The following PANK4 variants were observed in gnomAD, a reference collection of about 807,000 sequenced individuals.
PANK4 encodes the protein 4'-phosphopantetheine phosphatase.
Under a neutral mutation model 87.9 loss-of-function variants are expected in PANK4, and 40 were observed. The observed-to-expected ratio is 0.46, with a 90% CI of 0.35 to 0.59. PANK4 has a LOEUF of 0.59. Ranked by LOEUF, PANK4 falls within the 20% of genes least tolerant of loss-of-function variation. The pLI is 0.00. For synonymous variants in PANK4, 524 were observed against 467.4 expected (o/e 1.12, Z -1.56); for missense variants, 926 against 1,072.3 (o/e 0.86, Z 1.90).
Position 2,515,939 on chromosome 1 carries a change from G to C in PANK4, c.1219-222C>G. On this transcript the variant is annotated intron_variant, in intron 9 of 18. Coordinates refer to ENST00000378466, the MANE Select transcript of PANK4 (RefSeq NM_018216.4). The surrounding 1 kb of genome is among the most constrained non-coding windows in gnomAD (Gnocchi z 5.0). ...CTGGTTTGACACTGGGGTTGCGTCT[G>C]CTCCCACCACACGCCTCCTGCCCCC... The C allele has an allele frequency of 1.7e-6, 1 of 590,376 alleles. No individual in the cohort carries two copies. The highest frequency in any genetic ancestry group is 2.8e-5 in the East Asian group (1 of 35,438). 36.6% of individuals were successfully genotyped at this position (590,376 alleles called of 1,614,324 possible). A position where few individuals can be genotyped will look rare whatever the true frequency, so the allele number is the denominator to read the frequency against.
In PANK4 at chr1:2,518,176, C is replaced by T. The variant is rs562795560; in HGVS notation, c.1206G>A (p.Ala402=). ...ASPELGPAQR[A]RSGTFDLLEM... is the part of the protein sequence containing the mutation. The stretch of plus-strand genomic sequence containing the variant: ...GCCCACTACTCACAGTGCCACTCCG[C>T]GCCCGCTGCGCCGGGCCGAGCTCGG... The change falls in exon 9 of 19, where the codon GCG becomes GCA. Residue 402 remains alanine, a synonymous_variant. Transcript: ENST00000378466. 1.1e-5 allele frequency: 18 copies of T among 1,604,604 alleles called. No homozygotes were observed. Among genetic ancestry groups the T allele is most frequent in the East Asian group, 6.7e-5 (3 of 44,828 alleles).
intron 9 of PANK4, among the ~76,000 whole-genome samples, chr1:2,516,904 A>G (rs1213241913): frequency 1.3e-5 from 2 of 152,138 alleles, no homozygotes; most frequent in Non-Finnish European, 2.9e-5. Flanking sequence ...AAATGACTCC[A>G]TCTCTCTGCA....
rs1441920826 is a variant in PANK4 at position 2,519,984 on chromosome 1, G to A, written c.700-30C>T. 1 of 1,522,020 alleles carries A rather than the reference G, an allele frequency of 6.6e-7. No homozygotes were observed. The highest frequency in any genetic ancestry group is 2.4e-5 in the East Asian group (1 of 41,390). 94.3% of individuals were successfully genotyped at this position (1,522,020 alleles called of 1,614,324 possible). On this transcript the variant is annotated intron_variant, in intron 5 of 18. Coordinates refer to ENST00000378466, the MANE Select transcript of PANK4 (RefSeq NM_018216.4). This position sits in a 1 kb window ranked among gnomAD's most constrained non-coding sequence, Gnocchi z 8.3. Reference sequence around the variant, plus strand: ...AGGACACGGCGAGGGGGCGGGTGAGGCGCCAGGAGCTGCTGGAATCCCCAC... The same window carrying A: ...AGGACACGGCGAGGGGGCGGGTGAGACGCCAGGAGCTGCTGGAATCCCCAC...
At chr1:2,516,288 C>G (rs560751054) in intron 9 of PANK4, among the ~76,000 whole-genome samples, 1 of 152,246 alleles carries the variant, frequency 6.6e-6, no homozygotes, top group East Asian at 1.9e-4. Flanking sequence ...TGCCGGGCCT[C>G]CCAGCACGTT....
chr1:2,522,308 G>GGT (rs1643881830), intron 1 of PANK4, among the ~76,000 whole-genome samples: 1 of 152,204 alleles, frequency 6.6e-6, no homozygotes, highest in Non-Finnish European at 1.5e-5. Flanking sequence ...AGAGGCAAAC[G>GGT]GTGCCGCTGG....
At position 2,520,370 on chromosome 1, in the gene PANK4, A is replaced by G. The variant is rs762001077; in HGVS notation, c.651T>C (p.Ile217=). 28 of 1,612,788 alleles carry G rather than the reference A, an allele frequency of 1.7e-5. No individual in the cohort carries two copies. Among genetic ancestry groups the G allele is most frequent in the Admixed American group, 3.3e-5 (2 of 59,996 alleles). Residue 217 remains isoleucine (I), a synonymous_variant, in exon 5 of 19, where the codon ATT becomes ATC. Transcript: ENST00000378466. This position sits in a 1 kb window ranked among gnomAD's most constrained non-coding sequence, Gnocchi z 6.2. ...CAAGCCCCCAGAAGGTGCCGCCTCC[A>G]ATGGAGCTGCCGCCGACCCACTCGA... ...DRFEWVGGSS[I]GGGTFWGLGA...
chr1:2,519,055 G>A lies in PANK4; in HGVS notation c.1035+88C>T. On this transcript the variant is annotated intron_variant, in intron 7 of 18. Coordinates refer to ENST00000378466, the MANE Select transcript of PANK4 (RefSeq NM_018216.4). This position sits in a 1 kb window ranked among gnomAD's most constrained non-coding sequence, Gnocchi z 8.3. ...GCCCCCACCCTCCAGGCCTCCCTGG[G>A]GGTGCTGCGGTGTCTAACCAGCATG... The A allele has an allele frequency of 8.0e-7, 1 of 1,256,390 alleles. No homozygotes were observed. Among genetic ancestry groups the A allele is most frequent in the South Asian group, 1.4e-5 (1 of 72,738 alleles). The allele number at this position is 1,256,390 out of a possible 1,614,324, so 77.8% of individuals were successfully genotyped here.
intron 1 of PANK4, chr1:2,522,029 C>G (rs1054284225): frequency 1.8e-6 from 1 of 568,546 alleles, no homozygotes; most frequent in Admixed American, 3.0e-5. Context: ...GCTCCCTGGC[C>G]AAACTGAGCT....
intron 1 of PANK4, among the ~76,000 whole-genome samples, chr1:2,522,827 T>C (rs888144165): frequency 1.5e-5 from 1 of 67,664 alleles, no homozygotes. Flanking sequence ...GATGGTGCTA[T>C]AGTGACTTAA....
In PANK4 at chr1:2,519,048, T is replaced by A. The variant is rs1643837131; in HGVS notation, c.1035+95A>T. ...CTTCTTGGCCCCCACCCTCCAGGCC[T>A]CCCTGGGGGTGCTGCGGTGTCTAAC... On this transcript the variant is annotated intron_variant, in intron 7 of 18. Coordinates refer to ENST00000378466, the MANE Select transcript of PANK4 (RefSeq NM_018216.4). The surrounding 1 kb of genome is among the most constrained non-coding windows in gnomAD (Gnocchi z 8.3). 6 of 1,200,254 alleles carry A rather than the reference T, an allele frequency of 5.0e-6. No homozygotes were observed. In the South Asian group the frequency reaches 8.6e-5, roughly 17 times the overall value. 74.4% of individuals were successfully genotyped at this position (1,200,254 alleles called of 1,614,324 possible). A position where few individuals can be genotyped will look rare whatever the true frequency, so the allele number is the denominator to read the frequency against.
chr1:2,525,220 C>T (rs1297044712), intron 1 of PANK4, among the ~76,000 whole-genome samples: 2 of 152,150 alleles, frequency 1.3e-5, no homozygotes, highest in African/African-American at 4.8e-5. Context: ...GCACACAGCT[C>T]AGAGGGAATG....
intron 1 of PANK4, among the ~76,000 whole-genome samples, chr1:2,523,647 G>C (rs188978019): frequency 6.6e-6 from 1 of 152,230 alleles, no homozygotes; most frequent in Non-Finnish European, 1.5e-5. Flanking sequence ...ACCCCTGCAC[G>C]GAGAGGCCCA....
chr1:2,514,209 G>T, intron 11 of PANK4, 120 bp from the exon 12 acceptor site: 2 of 1,106,874 alleles, frequency 1.8e-6, no homozygotes, highest in Non-Finnish European at 2.7e-6. Flanking sequence ...TGCTTGAGGC[G>T]GGGTCCAAGG....
intron 1 of PANK4, among the ~76,000 whole-genome samples, chr1:2,523,107 T>C (rs534504519): frequency 1.3e-5 from 2 of 152,278 alleles, no homozygotes; most frequent in South Asian, 2.1e-4. Flanking sequence ...GACAAAATAC[T>C]ATAAGGATGT....
In PANK4 at chr1:2,510,872, G is replaced by C; in HGVS notation, c.1834-90C>G. The C allele has an allele frequency of 1.2e-6, 1 of 805,054 alleles. No individual in the cohort carries two copies. Among genetic ancestry groups the C allele is most frequent in the African/African-American group, 1.7e-5 (1 of 59,642 alleles). 49.9% of individuals were successfully genotyped at this position (805,054 alleles called of 1,614,324 possible). ...CTGCTGCCCGTCACGCTGCCCTGCA[G>C]GGGCCGAGACTGGGGGCTTCAGGGC... On this transcript the variant is annotated intron_variant, in intron 15 of 18. Transcript: ENST00000378466. The surrounding 1 kb of genome is among the most constrained non-coding windows in gnomAD (Gnocchi z 4.9).
chr1:2,513,060 C>T, intron 12 of PANK4, 21 bp from the exon 13 acceptor site: 1 of 1,574,286 alleles, frequency 6.4e-7, no homozygotes, highest in East Asian at 2.3e-5. Flanking sequence ...TGCCAGATGC[C>T]AGGCCTGAGT....
chr1:2,512,704 T>A (rs762512758), intron 13 of PANK4, 184 bp downstream of exon 13: 14 of 630,424 alleles, frequency 2.2e-5, no homozygotes, highest in Non-Finnish European at 3.9e-5. Flanking sequence ...ACAAGGGCGC[T>A]GCGCCCTGCC....
In PANK4 at chr1:2,514,083, A is replaced by G. The variant is rs772846135; in HGVS notation, c.1494T>C (p.Tyr498=). ...GCAGGCTGCGCACGGTCAGGGTCCC[A>G]TAGGCGCTGGGGACAGACACGGCAG... ...LQTLRQQPFA[Y]GTLTVRSLLD... Residue 498 remains tyrosine (Y), a synonymous_variant, in exon 12 of 19, where the codon TAT becomes TAC. Transcript: ENST00000378466. 9.9e-6 allele frequency: 16 copies of G among 1,612,090 alleles called. No individual in the cohort carries two copies. The South Asian group carries it at 1.4e-4, about 14-fold the overall frequency.
intron 3 of PANK4, 49 bp downstream of exon 3, chr1:2,521,052 C>G (rs1370919451): frequency 1.5e-5 from 23 of 1,564,732 alleles, no homozygotes; most frequent in Non-Finnish European, 2.0e-5. Context: ...CACCCAGGGA[C>G]TCGGGGGCAG....
Sources: allele counts gnomAD v4.1 joint callset (sites outside exome capture counted in the v4.1 genomes callset), GRCh38; gene constraint gnomAD v4.1.1; non-coding constraint Gnocchi (gnomAD v3.1); transcripts MANE v1.5; gene names NCBI Gene and HGNC (gene_info 2026-07-23, HGNC 2026-07-21).